The following ZDHHC13 variants were observed in gnomAD, a reference collection of about 807,000 sequenced individuals.
ZDHHC13 encodes the protein zDHHC palmitoyltransferase 13.
Under a neutral mutation model 86.0 loss-of-function variants are expected in ZDHHC13, and 85 were observed. The ratio of observed to expected loss-of-function variants is 0.99; its 90% CI spans 0.83 to 1.18. The LOEUF (loss-of-function observed/expected upper bound fraction) is 1.18. Among genes scored for constraint, ZDHHC13 ranks in the 50% most tolerant of loss-of-function variants. The pLI is 0.00. For missense variants in ZDHHC13, 711 were observed against 730.2 expected (o/e 0.97, Z 0.30); for synonymous variants, 263 against 246.4 (o/e 1.07, Z -0.63).
intron 1 of ZDHHC13, among the ~76,000 whole-genome samples, chr11:19,129,474 A>G (rs1046668758): frequency 6.6e-6 from 1 of 152,130 alleles, no homozygotes; most frequent in Admixed American, 6.5e-5. Flanking sequence ...TGCTTTACAT[A>G]AAGAATTTTC....
At chr11:19,166,238 G>A (rs914660594) in intron 13 of ZDHHC13, 64 bp from the exon 14 acceptor site, 4 of 1,309,636 alleles carry the variant, frequency 3.1e-6, no homozygotes, top group African/African-American at 1.5e-5. Context: ...TGGTTAAGGA[G>A]GTCTTATGTT....
intron 10 of ZDHHC13, among the ~76,000 whole-genome samples, chr11:19,159,268 G>T (rs924494482): frequency 1.3e-5 from 2 of 152,118 alleles, no homozygotes; most frequent in African/African-American, 4.8e-5. Flanking sequence ...TTACTCATAG[G>T]AGGGGAACAG....
chr11:19,158,604 G>T (rs1437818535), intron 9 of ZDHHC13, among the ~76,000 whole-genome samples: 1 of 152,068 alleles, frequency 6.6e-6, no homozygotes, highest in Non-Finnish European at 1.5e-5. Context: ...TGCCAAAAAA[G>T]AAATAAAAAT....
chr11:19,131,996 T>C (rs1590063542), intron 1 of ZDHHC13, among the ~76,000 whole-genome samples: 1 of 152,252 alleles, frequency 6.6e-6, no homozygotes, highest in Non-Finnish European at 1.5e-5. Flanking sequence ...AATGTTTTCC[T>C]TTAAATACTT....
At position 19,138,240 on chromosome 11, in the gene ZDHHC13, A is replaced by G. The variant is rs1410436640; in HGVS notation, c.28-4738A>G. Among the ~76,000 whole-genome samples the G allele has an allele frequency of 3.7e-3, 560 of 151,494 alleles. 2 individuals are homozygous for G. The highest frequency in any genetic ancestry group is 5.6e-3 in the Non-Finnish European group (381 of 67,596). ...AAATGATAAAGGGGATATCACCACCAATCCCACAGAAATACAAACTACCAT... is the reference window on the plus strand; with the variant it reads ...AAATGATAAAGGGGATATCACCACCGATCCCACAGAAATACAAACTACCAT... On this transcript the variant is annotated intron_variant, in intron 1 of 16. Coordinates refer to ENST00000446113, the MANE Select transcript of ZDHHC13 (RefSeq NM_019028.3).
At chr11:19,121,323 G>A (rs1489969736) in intron 1 of ZDHHC13, among the ~76,000 whole-genome samples, 3 of 152,126 alleles carry the variant, frequency 2.0e-5, no homozygotes, top group Non-Finnish European at 4.4e-5. Flanking sequence ...AAGGTCTGAG[G>A]AGTAGTCTGT....
rs1165406150 is a variant in ZDHHC13, at chr11:19,176,365, AATAG to A, written c.*408_*411del. The stretch of plus-strand genomic sequence containing the variant: ...TCTATAAATATGTAAAAAATATTTA[AATAG>A]ATGTACCTGTTTTGCTTTCACACTT... On this transcript the variant is annotated 3_prime_UTR_variant, in exon 17 of 17. Transcript: ENST00000446113. The A allele has an allele frequency of 6.5e-6, 1 of 153,224 alleles. No individual in the cohort carries two copies. Among genetic ancestry groups the A allele is most frequent in the Non-Finnish European group, 1.5e-5 (1 of 68,508 alleles). 9.5% of individuals were successfully genotyped at this position (153,224 alleles called of 1,614,324 possible). A position where few individuals can be genotyped will look rare whatever the true frequency, so the allele number is the denominator to read the frequency against.
chr11:19,170,238 G>T (rs1850182108), intron 14 of ZDHHC13, 173 bp from the exon 15 acceptor site: 14 of 1,402,720 alleles, frequency 1.0e-5, no homozygotes, highest in Non-Finnish European at 1.3e-5. Context: ...CCACCATTTT[G>T]TCATCTTTAG....
chr11:19,155,972 AT>A, intron 9 of ZDHHC13, 43 bp downstream of exon 9: 1 of 1,557,674 alleles, frequency 6.4e-7, no homozygotes, highest in South Asian at 1.2e-5. Context: ...TGTGTTTCTG[AT>A]TTTATTTCTT....
chr11:19,159,963 G>T (rs142775355), intron 10 of ZDHHC13, among the ~76,000 whole-genome samples: 1 of 151,950 alleles, frequency 6.6e-6, no homozygotes, highest in Admixed American at 6.6e-5. Flanking sequence ...AAGGAATGTT[G>T]TAGATAGAAA....
intron 15 of ZDHHC13, 61 bp from the exon 16 acceptor site, chr11:19,172,662 T>C: frequency 1.5e-6 from 2 of 1,322,194 alleles, no homozygotes; most frequent in Non-Finnish European, 2.1e-6. Flanking sequence ...GATCTTATAT[T>C]GTTTTATTTA....
chr11:19,162,909 T>G (rs1318402835), intron 10 of ZDHHC13, among the ~76,000 whole-genome samples: 2 of 152,174 alleles, frequency 1.3e-5, no homozygotes, highest in African/African-American at 2.4e-5. Context: ...TACTTTTATT[T>G]GGAATCTCTG....
chr11:19,175,889 G>A lies in ZDHHC13; in HGVS notation c.1798G>A (p.Val600Met), dbSNP rs776891887. 6.2e-7 allele frequency: 1 copy of A among 1,613,440 alleles called. No individual in the cohort carries two copies. Among genetic ancestry groups the A allele is most frequent in the African/African-American group, 1.3e-5 (1 of 74,790 alleles). ...CGCFGLVKPC[V>M]VDWTSQYTMV... ...CTGCTTTGGCTTGGTGAAGCCCTGTGTGGTAGATTGGACATCACAGTACAC... is the reference window on the plus strand; with the variant it reads ...CTGCTTTGGCTTGGTGAAGCCCTGTATGGTAGATTGGACATCACAGTACAC... Residue 600 changes from valine (V) to methionine (M), a missense_variant, in exon 17 of 17, where the codon GTG (valine) becomes ATG (methionine). Physicochemically the swap from Val to Met is conservative, Grantham distance 21. Coordinates refer to ENST00000446113, the MANE Select transcript of ZDHHC13 (RefSeq NM_019028.3).
rs775501462 is a variant in ZDHHC13 at position 19,165,111 on chromosome 11, T to C, written c.1356T>C (p.Tyr452=). ...CHVCNCCVAR[Y]DQHCLWTGRC... is the part of the protein sequence containing the mutation. ...TATGCAACTGCTGTGTGGCTCGATATGATCAACACTGCCTGTGGACTGGAC... is the reference window on the plus strand; with the variant it reads ...TATGCAACTGCTGTGTGGCTCGATACGATCAACACTGCCTGTGGACTGGAC... The change falls in exon 13 of 17, where the codon TAT becomes TAC. Residue 452 remains tyrosine, a synonymous_variant. Coordinates refer to ENST00000446113, the MANE Select transcript of ZDHHC13 (RefSeq NM_019028.3). The C allele has an allele frequency of 3.1e-6, 5 of 1,612,856 alleles. No individual in the cohort carries two copies. Among genetic ancestry groups the C allele is most frequent in the Admixed American group, 1.7e-5 (1 of 59,844 alleles).
intron 1 of ZDHHC13, among the ~76,000 whole-genome samples, chr11:19,135,462 G>A (rs557758662): frequency 6.6e-6 from 1 of 152,378 alleles, no homozygotes; most frequent in East Asian, 1.9e-4. Context: ...ACAGCAGTCT[G>A]AGATCAAACT....
At chr11:19,122,961 G>A (rs1378626170) in intron 1 of ZDHHC13, among the ~76,000 whole-genome samples, 1 of 152,120 alleles carries the variant, frequency 6.6e-6, no homozygotes, top group Non-Finnish European at 1.5e-5. Flanking sequence ...ATGATGACAT[G>A]AACGGAAGAT....
At chr11:19,118,572 A>G (rs1471492612) in intron 1 of ZDHHC13, among the ~76,000 whole-genome samples, 1 of 152,200 alleles carries the variant, frequency 6.6e-6, no homozygotes, top group Non-Finnish European at 1.5e-5. Flanking sequence ...CAAGTGCTTA[A>G]AGTTCACTCT....
At chr11:19,169,254 A>G in intron 14 of ZDHHC13, 2 of 985,388 alleles carry the variant, frequency 2.0e-6, no homozygotes, top group South Asian at 9.4e-5. Context: ...CTTTTTTGTG[A>G]TATCAGGTGC....
chr11:19,123,185 G>C (rs1426311677), intron 1 of ZDHHC13, among the ~76,000 whole-genome samples: 1 of 152,072 alleles, frequency 6.6e-6, no homozygotes, highest in African/African-American at 2.4e-5. Flanking sequence ...CTCAATTGTG[G>C]ATATTCTTCA....
Sources: gnomAD v4.1 joint callset for allele counts (sites outside exome capture counted in the v4.1 genomes callset) on GRCh38, gnomAD v4.1.1 for gene constraint, MANE v1.5 for transcripts, NCBI Gene and HGNC (gene_info 2026-07-23, HGNC 2026-07-21) for gene names.